CCDC181: variants seen among roughly 807,000 people sequenced by gnomAD.
The protein encoded by CCDC181 is coiled-coil domain containing 181, also known as coiled-coil domain-containing protein 181.
In CCDC181, 35 loss-of-function variants were observed where a neutral mutation model predicts 58.7. The observed-to-expected ratio is 0.60, with a 90% confidence interval of 0.46 to 0.79. The LOEUF is 0.79. Among genes scored for constraint, CCDC181 ranks in the 30% least tolerant of loss-of-function variants. The pLI, the probability that CCDC181 is intolerant of heterozygous loss-of-function variation, is 0.00. For synonymous variants in CCDC181, 183 were observed against 197.5 expected, an observed-to-expected ratio of 0.93 and a Z score of 0.62; for missense variants, 517 against 583.9, an observed-to-expected ratio of 0.89 and a Z score of 1.18.
At chr1:169,413,899 T>C (rs1162050123) in intron 4 of CCDC181, among the ~76,000 whole-genome samples, 1 of 152,008 alleles carries the variant, frequency 6.6e-6, no homozygotes, top group Non-Finnish European at 1.5e-5. Flanking sequence ...GGGATAGCAT[T>C]AGGAGAAATA....
Position 169,441,418 on chromosome 1 carries a change from T to C in CCDC181, c.-23-16468A>G, listed in dbSNP as rs543980124. On this transcript the variant is annotated intron_variant, in intron 2 of 6. Transcript: ENST00000545005. ...TAAATTAGGATAATCAGAGGCACCA[T>C]GAAAACACAGAACTTGCATGTAGGT... Among the ~76,000 whole-genome samples the C allele has an allele frequency of 7.2e-5, 11 of 152,172 alleles. No homozygotes were observed. In the South Asian group the frequency reaches 2.3e-3, roughly 32 times the overall value.
At chr1:169,458,803 CTTAT>C (rs1025721149) in intron 2 of CCDC181, among the ~76,000 whole-genome samples, 3 of 151,838 alleles carry the variant, frequency 2.0e-5, no homozygotes, top group African/African-American at 4.8e-5. Context: ...CTTGCAGTTG[CTTAT>C]TTATTTATGT....
intron 4 of CCDC181, among the ~76,000 whole-genome samples, chr1:169,406,798 G>C (rs1249167772): frequency 6.8e-6 from 1 of 147,624 alleles, no homozygotes; most frequent in African/African-American, 2.5e-5. Flanking sequence ...AAAAAGAAAA[G>C]AAAAAAAACC....
rs1491184009 is a variant in CCDC181 at position 169,459,906 on chromosome 1, A to AAAAAAT, written c.-91-43_-91-42insATTTTT. The AAAAAAT allele has an allele frequency of 2.7e-5, 2 of 73,918 alleles. 1 individual carries two copies. The highest frequency in any genetic ancestry group is 4.9e-5 in the Non-Finnish European group (2 of 40,530). 4.6% of individuals were successfully genotyped at this position (73,918 alleles called of 1,614,324 possible). ...TCAAGTTACGCAGTTTGAAATTAGGAAAAAAAAAAAAAAAAAAAAAAAAGG... is the reference window on the plus strand; with the variant it reads ...TCAAGTTACGCAGTTTGAAATTAGGAAAAAATAAAAAAAAAAAAAAAAAAAAAAAGG... On this transcript the variant is annotated intron_variant, in intron 1 of 6. Transcript: ENST00000545005.
chr1:169,421,275 G>A, intron 3 of CCDC181, 88 bp downstream of exon 3: 1 of 1,025,288 alleles, frequency 9.8e-7, no homozygotes. Flanking sequence ...AGTCTCCAAT[G>A]GTTTGAACAA....
intron 4 of CCDC181, among the ~76,000 whole-genome samples, chr1:169,401,673 G>A (rs1261694395): frequency 6.6e-6 from 1 of 152,142 alleles, no homozygotes; most frequent in Non-Finnish European, 1.5e-5. Flanking sequence ...AAAGACCAAA[G>A]GTAGATAAGA....
At position 169,405,335 on chromosome 1, in the gene CCDC181, G is replaced by GCCCA. The variant is rs752124539; in HGVS notation, c.1216-7948_1216-7945dup. The stretch of plus-strand genomic sequence containing the variant: ...AAAGTTCATATGGAACCAAAAAAGA[G>GCCCA]CCCACATTGCCAAGACAATCCTAAG... On this transcript the variant is annotated intron_variant, in intron 4 of 5. Transcript: ENST00000367806. Among the ~76,000 whole-genome samples, 18 of 152,262 alleles carry GCCCA rather than the reference G, an allele frequency of 1.2e-4. No homozygotes were observed. In the East Asian group the frequency reaches 3.5e-3, roughly 29 times the overall value.
chr1:169,396,736 A>G (rs1655055016), intron 5 of CCDC181, among the ~76,000 whole-genome samples: 1 of 152,184 alleles, frequency 6.6e-6, no homozygotes, highest in African/African-American at 2.4e-5. Context: ...ACTAAAAAAT[A>G]TCAGGTTTGC....
chr1:169,438,297 A>T (rs1425040630), intron 2 of CCDC181, among the ~76,000 whole-genome samples: 4 of 152,014 alleles, frequency 2.6e-5, no homozygotes, highest in Non-Finnish European at 5.9e-5. Flanking sequence ...ACACAGAGAG[A>T]CCAGAAACTC....
At chr1:169,455,647 CA>C (rs1364206547) in intron 2 of CCDC181, among the ~76,000 whole-genome samples, 1 of 152,094 alleles carries the variant, frequency 6.6e-6, no homozygotes, top group African/African-American at 2.4e-5. Flanking sequence ...TGCTAATGGC[CA>C]TTTTGTTAAA....
intron 4 of CCDC181, 194 bp downstream of exon 4, chr1:169,418,819 A>C (rs1656328727): frequency 1.9e-6 from 1 of 526,970 alleles, no homozygotes; most frequent in South Asian, 3.0e-5. Flanking sequence ...ACAAAATAGG[A>C]ATCATTTTAT....
At chr1:169,412,568 A>G (rs1198015224) in intron 4 of CCDC181, among the ~76,000 whole-genome samples, 11 of 152,156 alleles carry the variant, frequency 7.2e-5, no homozygotes, top group Non-Finnish European at 1.5e-5. Context: ...CATAGCCAAG[A>G]TAATCTAAAG....
chr1:169,417,659 G>A (rs186868755), intron 4 of CCDC181, among the ~76,000 whole-genome samples: 29 of 152,076 alleles, frequency 1.9e-4, no homozygotes, highest in Admixed American at 1.4e-3. Flanking sequence ...TGAAAGTTCC[G>A]GGCTTCTAAT....
chr1:169,424,685 A>G, intron 2 of CCDC181, 126 bp downstream of exon 2: 1 of 562,038 alleles, frequency 1.8e-6, no homozygotes, highest in Non-Finnish European at 3.2e-6. Flanking sequence ...TGAGGATAAT[A>G]GTAATTTGCC....
At chr1:169,410,915 CTAAA>C (rs1441457278) in intron 4 of CCDC181, among the ~76,000 whole-genome samples, 2 of 152,182 alleles carry the variant, frequency 1.3e-5, no homozygotes, top group Non-Finnish European at 2.9e-5. Flanking sequence ...ATTTACAGCA[CTAAA>C]TGCCCACAGG....
intron 1 of CCDC181, among the ~76,000 whole-genome samples, chr1:169,426,327 AATACATCTTATAC>A (rs886225914): frequency 1.3e-5 from 2 of 152,188 alleles, no homozygotes; most frequent in African/African-American, 4.8e-5. Context: ...CTAGAACAAA[AATACATCTTATAC>A]AAACAAAATC....
chr1:169,412,429 T>C (rs1003973943), intron 4 of CCDC181, among the ~76,000 whole-genome samples: 1 of 152,042 alleles, frequency 6.6e-6, no homozygotes, highest in Non-Finnish European at 1.5e-5. Flanking sequence ...GAATCAATAT[T>C]ATGAAAATGG....
chr1:169,395,246 C>A, intron 5 of CCDC181, 40 bp from the exon 6 acceptor site: 1 of 1,534,124 alleles, frequency 6.5e-7, no homozygotes, highest in East Asian at 2.3e-5. Flanking sequence ...GAGTATCAAC[C>A]TGAATACACT....
At chr1:169,407,815 G>A (rs1655748788) in intron 4 of CCDC181, among the ~76,000 whole-genome samples, 1 of 152,182 alleles carries the variant, frequency 6.6e-6, no homozygotes, top group African/African-American at 2.4e-5. Flanking sequence ...CCTCACCTGG[G>A]AAGCTCAAGG....
Sources: gnomAD v4.1 joint callset for allele counts (sites outside exome capture counted in the v4.1 genomes callset) on GRCh38, gnomAD v4.1.1 for gene constraint, MANE v1.5 for transcripts, NCBI Gene and HGNC (gene_info 2026-07-23, HGNC 2026-07-21) for gene names.